Variants in MOSPD2 observed in about 807,000 individuals in gnomAD.
The protein encoded by MOSPD2 is motile sperm domain containing 2.
A neutral mutation model predicts 41.7 loss-of-function variants in MOSPD2; 5 were observed. The ratio of observed to expected loss-of-function variants is 0.12; its 90% CI spans 0.06 to 0.25. The LOEUF (loss-of-function observed/expected upper bound fraction) is 0.25, where lower values mean the gene tolerates loss of function less well. Among genes scored for constraint, MOSPD2 ranks in the 10% least tolerant of loss-of-function variants. MOSPD2 has a pLI of 1.00. For synonymous variants in MOSPD2, 115 were observed against 126.9 expected (o/e 0.91, Z 0.63); for missense variants, 282 against 375.2 (o/e 0.75, Z 2.05).
In MOSPD2 at chrX:14,920,041, G is replaced by C; in HGVS notation, c.*232G>C. 2 of 838,451 alleles carry C rather than the reference G, an allele frequency of 2.4e-6. No homozygotes were observed. The highest frequency in any genetic ancestry group is 2.9e-6 in the Non-Finnish European group (2 of 680,324). 69.1% of individuals were successfully genotyped at this position (838,451 alleles called of 1,213,427 possible). On this transcript the variant is annotated 3_prime_UTR_variant, in exon 15 of 15. Transcript: ENST00000380492. ...TAGCTATTTAGTAAAGTAAGTAAAG[G>C]CATATCCATTGTGTAAATTAATAGT...
chrX:14,895,258 T>C (rs1357906773), intron 3 of MOSPD2, 50 bp from the exon 4 acceptor site: 1 of 726,100 alleles, frequency 1.4e-6, no homozygotes, highest in Non-Finnish European at 2.2e-6. Context: ...ATGAGTTTTA[T>C]TTTTAAACCC....
At chrX:14,907,020 G>A (rs969242045) in intron 7 of MOSPD2, among the ~76,000 whole-genome samples, 2 of 111,303 alleles carry the variant, frequency 1.8e-5, no homozygotes, top group African/African-American at 6.5e-5. Context: ...GTGAAACTCT[G>A]TCTCAAAAAA....
At position 14,918,787 on chromosome X, in the gene MOSPD2, G is replaced by A. The variant is rs1438396833; in HGVS notation, c.1419+5G>A. On this transcript the variant is annotated splice_donor_5th_base_variant and intron_variant, in intron 14 of 14. Coordinates refer to ENST00000380492, the MANE Select transcript of MOSPD2 (RefSeq NM_152581.4). ...AGTGAAGATATATGTCTACAAGTAA[G>A]TATACTTTCTTCCTACCCAAACAAA... is the stretch of plus-strand genomic sequence containing the variant. 9.2e-7 allele frequency: 1 copy of A among 1,088,505 alleles called. No individual in the cohort carries two copies. The allele number at this position is 1,088,505 out of a possible 1,213,427, so 89.7% of individuals were successfully genotyped here. A position where few individuals can be genotyped will look rare whatever the true frequency, so the allele number is the denominator to read the frequency against.
intron 3 of MOSPD2, 69 bp downstream of exon 3, chrX:14,892,947 A>G: frequency 1.3e-6 from 1 of 797,045 alleles, no homozygotes; most frequent in South Asian, 2.9e-5. Context: ...CATTTATCTA[A>G]TCATGTATTT....
chrX:14,919,468 C>T (rs2092605673), intron 14 of MOSPD2, among the ~76,000 whole-genome samples: 1 of 111,763 alleles, frequency 8.9e-6, no homozygotes, highest in South Asian at 3.7e-4. Flanking sequence ...AAATTCAGAC[C>T]TCTCAAAATG....
intron 2 of MOSPD2, chrX:14,885,204 A>G (rs1267194757): frequency 8.9e-6 from 1 of 111,828 alleles, no homozygotes; most frequent in Non-Finnish European, 1.9e-5. Context: ...TTCACCACAT[A>G]CTAAGTCATA....
intron 2 of MOSPD2, among the ~76,000 whole-genome samples, chrX:14,883,707 C>T (rs1224801965): frequency 9.0e-6 from 1 of 111,259 alleles, no homozygotes. Flanking sequence ...TTACTCTATA[C>T]CCAGATCATT....
intron 2 of MOSPD2, among the ~76,000 whole-genome samples, chrX:14,884,638 A>C (rs960348610): frequency 8.9e-6 from 1 of 111,821 alleles, no homozygotes; most frequent in Non-Finnish European, 1.9e-5. Context: ...TCTGCATATT[A>C]GATATCAGAT....
At chrX:14,877,090 A>G (rs1269938229) in intron 2 of MOSPD2, among the ~76,000 whole-genome samples, 2 of 111,589 alleles carry the variant, frequency 1.8e-5, no homozygotes, top group Non-Finnish European at 3.8e-5. Context: ...TAAGGAGGGT[A>G]AGCACACATG....
chrX:14,888,245 C>CAG (rs1287338612), intron 2 of MOSPD2, among the ~76,000 whole-genome samples: 2 of 102,200 alleles, frequency 2.0e-5, no homozygotes, highest in Admixed American at 1.0e-4. Context: ...CACACACACA[C>CAG]ACACCTTTTT....
chrX:14,875,480 G>T (rs2092518359), intron 2 of MOSPD2, among the ~76,000 whole-genome samples: 1 of 111,572 alleles, frequency 9.0e-6, no homozygotes. Context: ...TTGCAACCCA[G>T]GACAAACGTG....
intron 2 of MOSPD2, among the ~76,000 whole-genome samples, chrX:14,883,056 G>T (rs1011521200): frequency 9.1e-6 from 1 of 110,437 alleles, no homozygotes; most frequent in East Asian, 2.8e-4. Flanking sequence ...TTAGCCGGTC[G>T]TGGTGGTGGG....
chrX:14,900,483 C>G (rs1040919312), intron 5 of MOSPD2, 92 bp from the exon 6 acceptor site: 5 of 377,502 alleles, frequency 1.3e-5, no homozygotes, highest in Non-Finnish European at 2.3e-5. Flanking sequence ...TAATAATTGT[C>G]TCACTTGTAT....
intron 2 of MOSPD2, among the ~76,000 whole-genome samples, chrX:14,890,059 A>T (rs1303883644): frequency 9.0e-6 from 1 of 110,909 alleles, no homozygotes; most frequent in Non-Finnish European, 1.9e-5. Context: ...AATAATGCTA[A>T]GATATCATTT....
intron 4 of MOSPD2, among the ~76,000 whole-genome samples, chrX:14,896,520 A>G (rs994296337): frequency 9.0e-6 from 1 of 111,477 alleles, no homozygotes; most frequent in South Asian, 3.7e-4. Flanking sequence ...CCTCTGTGCT[A>G]TTGCCCGAAA....
intron 6 of MOSPD2, among the ~76,000 whole-genome samples, chrX:14,900,922 C>T (rs1386067435): frequency 9.0e-6 from 1 of 111,531 alleles, no homozygotes; most frequent in Non-Finnish European, 1.9e-5. Flanking sequence ...TAAAAGCATA[C>T]ATTTATTTCA....
intron 2 of MOSPD2, among the ~76,000 whole-genome samples, chrX:14,888,354 T>C (rs1602026029): frequency 9.1e-6 from 1 of 110,328 alleles, no homozygotes; most frequent in African/African-American, 3.3e-5. Flanking sequence ...GGGAGAAACC[T>C]GGTGGGAGGT....
chrX:14,918,461 G>A (rs2092603994), intron 13 of MOSPD2, among the ~76,000 whole-genome samples: 1 of 111,771 alleles, frequency 8.9e-6, no homozygotes, highest in African/African-American at 3.3e-5. Flanking sequence ...TTTACCGAAT[G>A]GTATCTGCAA....
At chrX:14,910,628 CTG>C (rs1207645349) in intron 8 of MOSPD2, among the ~76,000 whole-genome samples, 1 of 111,430 alleles carries the variant, frequency 9.0e-6, no homozygotes, top group Non-Finnish European at 1.9e-5. Context: ...AGAAAAAAAT[CTG>C]TGAGTATAGT....
Sources: allele counts gnomAD v4.1 joint callset (sites outside exome capture counted in the v4.1 genomes callset), GRCh38; gene constraint gnomAD v4.1.1; transcripts MANE v1.5; gene names NCBI Gene and HGNC (gene_info 2026-07-23, HGNC 2026-07-21).